TOX3: variants seen among roughly 807,000 people sequenced by gnomAD.
TOX3 encodes TOX high mobility group box family member 3.
Under a neutral mutation model 64.3 loss-of-function variants are expected in TOX3, and 22 were observed. The ratio of observed to expected loss-of-function variants is 0.34; its 90% CI spans 0.24 to 0.49. The LOEUF is 0.49. Ranked by LOEUF, TOX3 falls within the 20% of genes least tolerant of loss-of-function variation. The pLI is 0.99. For missense variants in TOX3, 661 were observed against 714.4 expected, an observed-to-expected ratio of 0.93 and a Z score of 0.85; for synonymous variants, 291 against 273.6, an observed-to-expected ratio of 1.06 and a Z score of -0.63.
intron 1 of TOX3, among the ~76,000 whole-genome samples, chr16:52,484,136 C>T (rs1555483995): frequency 1.3e-5 from 2 of 152,058 alleles, no homozygotes; most frequent in Non-Finnish European, 2.9e-5. Context: ...TTAAAAGGAG[C>T]CTAAAGTTCA....
At chr16:52,519,669 T>C in intron 1 of TOX3, 1 of 1,252,456 alleles carries the variant, frequency 8.0e-7, no homozygotes, top group Non-Finnish European at 1.0e-6. Context: ...CAAGAAGTAG[T>C]AGAATGGGCT....
chr16:52,463,534 G>A (rs184645967), intron 3 of TOX3, among the ~76,000 whole-genome samples: 10 of 152,176 alleles, frequency 6.6e-5, no homozygotes, highest in Non-Finnish European at 1.0e-4. Context: ...ATCGTGTATC[G>A]TAAGCATTAT....
chr16:52,528,823 T>C (rs1962783956), intron 1 of TOX3, among the ~76,000 whole-genome samples: 1 of 152,202 alleles, frequency 6.6e-6, no homozygotes, highest in Non-Finnish European at 1.5e-5. Flanking sequence ...GCTGGTTTTA[T>C]AAGAGGTTAA....
In TOX3 at chr16:52,492,276, G is replaced by C. The variant is rs1961708771; in HGVS notation, c.88-23702C>G. 1.4e-5 allele frequency among the ~76,000 whole-genome samples: 2 copies of C among 145,732 alleles called. 1 individual carries two copies. The highest frequency in any genetic ancestry group is 4.3e-4 in the South Asian group (2 of 4,660). On this transcript the variant is annotated intron_variant, in intron 1 of 6. Coordinates refer to ENST00000219746, the MANE Select transcript of TOX3 (RefSeq NM_001080430.4). ...TATACAATATAAATATATAATGGTT[G>C]AGAGGGAGGAAAAGATCATCTATAA...
chr16:52,546,997 C>T lies in TOX3; in HGVS notation c.-274G>A. ...GGCAGCGCTGCGCGCGGGCCGGGCGCCGGGGGCGCGGGGCGCGGCGCTGGG... is the reference window on the plus strand; with the variant it reads ...GGCAGCGCTGCGCGCGGGCCGGGCGTCGGGGGCGCGGGGCGCGGCGCTGGG... On this transcript the variant is annotated 5_prime_UTR_variant, in exon 1 of 7. Transcript: ENST00000219746. 1.0e-6 allele frequency: 1 copy of T among 967,404 alleles called. No homozygotes were observed. Among genetic ancestry groups the T allele is most frequent in the South Asian group, 4.6e-5 (1 of 21,726 alleles). The allele number at this position is 967,404 out of a possible 1,614,324, so 59.9% of individuals were successfully genotyped here. A position where few individuals can be genotyped will look rare whatever the true frequency, so the allele number is the denominator to read the frequency against.
At chr16:52,519,684 G>T (rs771560767) in intron 1 of TOX3, 4 of 1,096,882 alleles carry the variant, frequency 3.6e-6, no homozygotes, top group Admixed American at 3.1e-5. Context: ...TGGGCTGGGC[G>T]CAGTCGCTCA....
intron 1 of TOX3, among the ~76,000 whole-genome samples, chr16:52,498,921 C>G (rs1961927080): frequency 6.6e-6 from 1 of 152,198 alleles, no homozygotes; most frequent in Non-Finnish European, 1.5e-5. Flanking sequence ...CCATTTCCTT[C>G]CTCAATCACA....
intron 1 of TOX3, among the ~76,000 whole-genome samples, chr16:52,545,137 G>C (rs182049910): frequency 3.3e-5 from 5 of 152,358 alleles, no homozygotes; most frequent in Admixed American, 3.3e-4. Flanking sequence ...AATAACCTGA[G>C]TAAATCCAAA....
At chr16:52,466,065 G>A (rs1397672510) in intron 2 of TOX3, among the ~76,000 whole-genome samples, 4 of 152,068 alleles carry the variant, frequency 2.6e-5, no homozygotes, top group Non-Finnish European at 5.9e-5. Context: ...CGTTATTTTG[G>A]CACTAATATG....
chr16:52,526,958 A>C (rs1962739530), intron 1 of TOX3, among the ~76,000 whole-genome samples: 1 of 152,224 alleles, frequency 6.6e-6, no homozygotes, highest in African/African-American at 2.4e-5. Flanking sequence ...TCTCCTACAC[A>C]CCAGGCACAG....
intron 3 of TOX3, among the ~76,000 whole-genome samples, chr16:52,459,911 TA>T (rs761695392): frequency 3.3e-5 from 5 of 151,912 alleles, no homozygotes; most frequent in Admixed American, 1.3e-4. Context: ...AGTATAATAA[TA>T]AAAAAAACTT....
At chr16:52,490,909 G>T (rs572926809) in intron 1 of TOX3, among the ~76,000 whole-genome samples, 54 of 152,218 alleles carry the variant, frequency 3.5e-4, no homozygotes, top group Non-Finnish European at 6.6e-4. Context: ...GATGACAGTT[G>T]TAAGCTACCA....
At chr16:52,515,362 C>T (rs1411521538) in intron 1 of TOX3, among the ~76,000 whole-genome samples, 1 of 152,118 alleles carries the variant, frequency 6.6e-6, no homozygotes, top group Non-Finnish European at 1.5e-5. Context: ...CTTTCCATCT[C>T]CATGAAACTA....
chr16:52,471,387 T>G (rs1002579852), intron 1 of TOX3, among the ~76,000 whole-genome samples: 2 of 152,210 alleles, frequency 1.3e-5, no homozygotes, highest in African/African-American at 4.8e-5. Context: ...GATCTGATTC[T>G]GAGAGAAAAA....
intron 5 of TOX3, chr16:52,445,275 A>G (rs1312402495): frequency 6.6e-6 from 1 of 152,184 alleles, no homozygotes; most frequent in African/African-American, 2.4e-5. Context: ...CAATTATTCT[A>G]TTTTATCACT....
In TOX3 at chr16:52,437,501, G is replaced by A. The variant is rs1471822783; in HGVS notation, c.*1724C>T. ...TAAGCAGTTTAAGACTGTTGCCAGT[G>A]GTAATTTGCAATTTTTATCAAGACC... is the stretch of plus-strand genomic sequence containing the variant. On this transcript the variant is annotated 3_prime_UTR_variant, in exon 7 of 7. Coordinates refer to ENST00000219746, the MANE Select transcript of TOX3 (RefSeq NM_001080430.4). The A allele has an allele frequency of 6.6e-6, 1 of 152,104 alleles. No individual in the cohort carries two copies. Among genetic ancestry groups the A allele is most frequent in the African/African-American group, 2.4e-5 (1 of 41,422 alleles). The allele number at this position is 152,104 out of a possible 1,614,324, so 9.4% of individuals were successfully genotyped here. A position where few individuals can be genotyped will look rare whatever the true frequency, so the allele number is the denominator to read the frequency against.
intron 3 of TOX3, among the ~76,000 whole-genome samples, chr16:52,455,776 G>A (rs1960498127): frequency 6.6e-6 from 1 of 152,168 alleles, no homozygotes; most frequent in African/African-American, 2.4e-5. Context: ...TGAAGTGGGA[G>A]AGATCTTGAC....
intron 1 of TOX3, among the ~76,000 whole-genome samples, chr16:52,493,416 G>A (rs1184935904): frequency 1.3e-5 from 2 of 152,104 alleles, no homozygotes; most frequent in Non-Finnish European, 2.9e-5. Flanking sequence ...TAAAATGAAA[G>A]TGGCAATGGT....
intron 1 of TOX3, among the ~76,000 whole-genome samples, chr16:52,542,310 T>C (rs566342318): frequency 2.6e-5 from 4 of 152,340 alleles, no homozygotes; most frequent in East Asian, 3.9e-4. Flanking sequence ...ATGTAAACCA[T>C]AAATGACTTA....
Sources: allele counts gnomAD v4.1 joint callset (sites outside exome capture counted in the v4.1 genomes callset), GRCh38; gene constraint gnomAD v4.1.1; transcripts MANE v1.5; gene names NCBI Gene and HGNC (gene_info 2026-07-23, HGNC 2026-07-21).